The following TMCO4 variants were observed in gnomAD, a reference collection of about 807,000 sequenced individuals.
TMCO4 encodes the protein transmembrane and coiled-coil domain-containing protein 4.
In TMCO4, 58 loss-of-function variants were observed where a neutral mutation model predicts 64.7. The ratio of observed to expected loss-of-function variants is 0.90; its 90% CI spans 0.73 to 1.12. The LOEUF (loss-of-function observed/expected upper bound fraction) is 1.12, where lower values mean the gene tolerates loss of function less well. TMCO4 is among the 50% of genes most tolerant of loss of function. The pLI, the probability that TMCO4 is intolerant of heterozygous loss-of-function variation, is 0.00. For synonymous variants in TMCO4, 325 were observed against 346.1 expected (o/e 0.94, Z 0.68); for missense variants, 780 against 825.9 (o/e 0.94, Z 0.68).
chr1:19,764,821 C>A (rs2042659301), intron 6 of TMCO4, among the ~76,000 whole-genome samples: 1 of 126,988 alleles, frequency 7.9e-6, no homozygotes, highest in Non-Finnish European at 1.6e-5. Flanking sequence ...CGCCATTGCA[C>A]TCAAGAGTGA....
At chr1:19,692,640 G>A (rs2095205477) in intron 15 of TMCO4, among the ~76,000 whole-genome samples, 1 of 151,862 alleles carries the variant, frequency 6.6e-6, no homozygotes, top group Admixed American at 6.6e-5. Context: ...CCAGCTATTT[G>A]GGAGGCTGAG....
At chr1:19,744,874 T>C (rs2041694161) in intron 10 of TMCO4, among the ~76,000 whole-genome samples, 1 of 152,238 alleles carries the variant, frequency 6.6e-6, no homozygotes. Context: ...CTGTATGTTC[T>C]GTGGGAGTAG....
intron 15 of TMCO4, among the ~76,000 whole-genome samples, chr1:19,684,088 T>TA (rs1300296656): frequency 8.1e-6 from 1 of 122,918 alleles, no homozygotes; most frequent in East Asian, 2.4e-4. Flanking sequence ...TTTTTTTTTT[T>TA]AAGGGATGGG....
At chr1:19,699,557 C>T (rs866510309) in intron 14 of TMCO4, among the ~76,000 whole-genome samples, 1 of 150,684 alleles carries the variant, frequency 6.6e-6, no homozygotes, top group African/African-American at 2.4e-5. Flanking sequence ...CCAGGCCCTC[C>T]AGCCAATGCT....
chr1:19,756,469 T>C (rs764022000), intron 6 of TMCO4, among the ~76,000 whole-genome samples: 46 of 152,142 alleles, frequency 3.0e-4, no homozygotes, highest in Non-Finnish European at 5.7e-4. Context: ...ATTTCTGGAA[T>C]TGTAATCTTA....
At chr1:19,684,141 G>C (rs967623341) in intron 15 of TMCO4, among the ~76,000 whole-genome samples, 4 of 118,456 alleles carry the variant, frequency 3.4e-5, no homozygotes, top group Non-Finnish European at 6.7e-5. Context: ...AATGAAAACA[G>C]AGAGAGAGAG....
intron 13 of TMCO4, among the ~76,000 whole-genome samples, chr1:19,735,969 A>G (rs1368018386): frequency 1.3e-5 from 2 of 152,176 alleles, no homozygotes; most frequent in African/African-American, 4.8e-5. Context: ...ATTGGCCGAC[A>G]ACCAGCACCG....
At chr1:19,702,109 A>G (rs1186948628) in intron 13 of TMCO4, among the ~76,000 whole-genome samples, 1 of 152,022 alleles carries the variant, frequency 6.6e-6, no homozygotes. Context: ...AGCTGGGACT[A>G]TAGGTGCCCG....
At chr1:19,721,814 A>AAACAC (rs1191563076) in intron 13 of TMCO4, among the ~76,000 whole-genome samples, 1 of 151,846 alleles carries the variant, frequency 6.6e-6, no homozygotes, top group Non-Finnish European at 1.5e-5. Flanking sequence ...AAACAAAACA[A>AAACAC]AACACAACAC....
intron 4 of TMCO4, among the ~76,000 whole-genome samples, chr1:19,777,069 C>G (rs959695665): frequency 1.3e-5 from 2 of 150,920 alleles, no homozygotes; most frequent in African/African-American, 2.4e-5. Flanking sequence ...ACAGCAAAAG[C>G]CTCTATTTGT....
At chr1:19,779,564 A>G (rs1202312400) in intron 4 of TMCO4, among the ~76,000 whole-genome samples, 2 of 152,232 alleles carry the variant, frequency 1.3e-5, no homozygotes, top group Non-Finnish European at 2.9e-5. Flanking sequence ...GAGATGAAAT[A>G]TAACGATGTC....
At chr1:19,725,249 C>T (rs1356282096) in intron 13 of TMCO4, among the ~76,000 whole-genome samples, 1 of 152,180 alleles carries the variant, frequency 6.6e-6, no homozygotes, top group African/African-American at 2.4e-5. Flanking sequence ...CAGGCTGGCT[C>T]AGCTCAGCGT....
intron 4 of TMCO4, among the ~76,000 whole-genome samples, 174 bp downstream of exon 4, chr1:19,780,406 G>A (rs1045012026): frequency 2.6e-5 from 4 of 152,182 alleles, no homozygotes; most frequent in Non-Finnish European, 5.9e-5. Flanking sequence ...TTCCTAACAG[G>A]CTACAGACCA....
chr1:19,713,961 G>C (rs779829576), intron 13 of TMCO4, among the ~76,000 whole-genome samples: 1 of 151,996 alleles, frequency 6.6e-6, no homozygotes, highest in African/African-American at 2.4e-5. Flanking sequence ...TTTTGAGACA[G>C]AGTCTCTCTC....
chr1:19,683,758 C>CTTTTTTTTTT (rs531431284), intron 15 of TMCO4, among the ~76,000 whole-genome samples: 6 of 79,068 alleles, frequency 7.6e-5, no homozygotes, highest in Admixed American at 1.6e-4. Flanking sequence ...TTGTCTGAAG[C>CTTTTTTTTTT]TTTTTTTTTT....
At chr1:19,781,319 T>C (rs1022428022) in intron 3 of TMCO4, among the ~76,000 whole-genome samples, 11 of 151,622 alleles carry the variant, frequency 7.3e-5, no homozygotes, top group Non-Finnish European at 1.2e-4. Context: ...ATAAAATAAT[T>C]AGCTGGGCAT....
chr1:19,766,329 A>G (rs2042735291), intron 6 of TMCO4, among the ~76,000 whole-genome samples: 2 of 152,108 alleles, frequency 1.3e-5, no homozygotes, highest in South Asian at 4.2e-4. Flanking sequence ...TTTTCCTTAC[A>G]AGATCCTTGT....
intron 13 of TMCO4, among the ~76,000 whole-genome samples, chr1:19,707,769 T>C (rs896117249): frequency 6.6e-6 from 1 of 151,596 alleles, no homozygotes; most frequent in African/African-American, 2.4e-5. Flanking sequence ...AGAAGAGAGG[T>C]TTAATTGACT....
intron 13 of TMCO4, among the ~76,000 whole-genome samples, chr1:19,729,476 C>T (rs1156680698): frequency 1.3e-5 from 2 of 150,316 alleles, no homozygotes; most frequent in Admixed American, 1.3e-4. Context: ...TTAGAAATAA[C>T]TAAAAAAGCC....
Sources: gnomAD v4.1 joint callset for allele counts (sites outside exome capture counted in the v4.1 genomes callset) on GRCh38, gnomAD v4.1.1 for gene constraint, MANE v1.5 for transcripts, NCBI Gene and HGNC (gene_info 2026-07-23, HGNC 2026-07-21) for gene names.